Variants in STK4 observed in about 807,000 individuals in gnomAD.
STK4 encodes the protein serine/threonine kinase 4.
STK4 carries 30 observed loss-of-function variants against 64.9 expected under a neutral mutation model. The observed-to-expected ratio is 0.46, with a 90% CI of 0.35 to 0.63. The LOEUF is 0.63. STK4 is among the 20% of genes least tolerant of loss of function. STK4 has a pLI of 0.01. For missense variants in STK4, 466 were observed against 598.5 expected (o/e 0.78, Z 2.31); for synonymous variants, 177 against 199.0 (o/e 0.89, Z 0.93).
At chr20:45,041,853 G>A (rs536190661) in intron 10 of STK4, among the ~76,000 whole-genome samples, 13 of 152,214 alleles carry the variant, frequency 8.5e-5, no homozygotes, top group Non-Finnish European at 1.3e-4. Context: ...TTAGCCTGCC[G>A]CAGGCATTAA....
chr20:44,974,827 A>G (rs1484888742), intron 2 of STK4: 1 of 152,166 alleles, frequency 6.6e-6, no homozygotes, highest in African/African-American at 2.4e-5. Flanking sequence ...ACTGACTTGT[A>G]TCTTGTGAAA....
intron 10 of STK4, among the ~76,000 whole-genome samples, chr20:45,069,170 C>CTAA (rs1451136878): frequency 6.6e-6 from 1 of 152,218 alleles, no homozygotes; most frequent in Non-Finnish European, 1.5e-5. Context: ...TCTTCCTTTA[C>CTAA]CCAAGACTGA....
Position 45,066,194 on chromosome 20 carries a change from A to AC in STK4, c.1306-8823dup, listed in dbSNP as rs557360600. Among the ~76,000 whole-genome samples, 33 of 151,998 alleles carry AC rather than the reference A, an allele frequency of 2.2e-4. 1 individual carries two copies. In the South Asian group the frequency reaches 6.9e-3, roughly 32 times the overall value. The stretch of plus-strand genomic sequence containing the variant: ...ACATTATATATCTACACACACACAC[A>AC]CACACACACACACACACACAGATAT... On this transcript the variant is annotated intron_variant, in intron 10 of 10. Coordinates refer to ENST00000372806, the MANE Select transcript of STK4 (RefSeq NM_006282.5).
chr20:44,966,753 G>A, intron 1 of STK4, 150 bp downstream of exon 1: 1 of 965,256 alleles, frequency 1.0e-6, no homozygotes, highest in South Asian at 5.0e-5. Context: ...ACGTCTGGTG[G>A]GTGAGGGTCC....
intron 10 of STK4, among the ~76,000 whole-genome samples, chr20:45,030,894 A>G (rs2068431567): frequency 1.3e-5 from 2 of 152,146 alleles, no homozygotes; most frequent in South Asian, 4.1e-4. Context: ...ACACTGTAAT[A>G]TTTTAGTTTA....
At chr20:45,074,580 G>A (rs991926499) in intron 10 of STK4, among the ~76,000 whole-genome samples, 2 of 152,058 alleles carry the variant, frequency 1.3e-5, no homozygotes, top group Non-Finnish European at 2.9e-5. Context: ...CCATGGTGTC[G>A]TATCCTGAAA....
intron 10 of STK4, chr20:45,053,136 C>T: frequency 6.2e-7 from 1 of 1,612,680 alleles, no homozygotes; most frequent in Non-Finnish European, 8.5e-7. Context: ...TCCAAAATTG[C>T]CAGGGAAACC....
In STK4 at chr20:44,995,125, A is replaced by G; in HGVS notation, c.561A>G (p.Thr187=). The change falls in exon 6 of 11, where the codon ACA becomes ACG. Residue 187 remains threonine (T), a synonymous_variant. Coordinates refer to ENST00000372806, the MANE Select transcript of STK4 (RefSeq NM_006282.5). ...CCAAGCGGAATACAGTGATAGGAAC[A>G]CCATTTTGGATGGCTCCAGAAGTGA... ...TMAKRNTVIG[T]PFWMAPEVIQ... 1 of 1,613,124 alleles carries G rather than the reference A, an allele frequency of 6.2e-7. No individual in the cohort carries two copies.
chr20:45,063,678 C>G (rs1472911559), intron 10 of STK4, among the ~76,000 whole-genome samples: 1 of 152,040 alleles, frequency 6.6e-6, no homozygotes, highest in Non-Finnish European at 1.5e-5. Context: ...GGTCCTATGT[C>G]CAGAGTGGTA....
intron 9 of STK4, among the ~76,000 whole-genome samples, chr20:45,010,442 G>A (rs1176238734): frequency 6.6e-6 from 1 of 152,116 alleles, no homozygotes; most frequent in Non-Finnish European, 1.5e-5. Context: ...ATAATTATTA[G>A]TGATTAGGCA....
At chr20:45,048,729 G>A (rs772296227) in intron 10 of STK4, among the ~76,000 whole-genome samples, 4 of 151,984 alleles carry the variant, frequency 2.6e-5, no homozygotes, top group Admixed American at 6.6e-5. Flanking sequence ...TGATCCATCC[G>A]CCTCGGCCTC....
intron 5 of STK4, among the ~76,000 whole-genome samples, chr20:44,990,196 A>G (rs1467394329): frequency 6.6e-6 from 1 of 152,158 alleles, no homozygotes; most frequent in Non-Finnish European, 1.5e-5. Flanking sequence ...CCATTTATTT[A>G]GATTTTCTTT....
intron 9 of STK4, among the ~76,000 whole-genome samples, chr20:45,005,552 G>A (rs2067923575): frequency 1.3e-5 from 2 of 151,244 alleles, no homozygotes; most frequent in South Asian, 4.2e-4. Context: ...GGAGGCTAAG[G>A]CAGGAGAGTG....
intron 2 of STK4, among the ~76,000 whole-genome samples, chr20:44,977,336 CAGTT>C (rs2067357018): frequency 1.3e-5 from 2 of 152,036 alleles, no homozygotes; most frequent in African/African-American, 4.8e-5. Context: ...ATCTATTTGG[CAGTT>C]AGAGTATTGT....
At chr20:45,019,050 T>C (rs1462259527) in intron 9 of STK4, among the ~76,000 whole-genome samples, 1 of 152,216 alleles carries the variant, frequency 6.6e-6, no homozygotes, top group African/African-American at 2.4e-5. Context: ...TAAATTGAGA[T>C]ATAATTTATA....
chr20:45,008,044 G>C (rs1416261283), intron 9 of STK4, among the ~76,000 whole-genome samples: 1 of 152,198 alleles, frequency 6.6e-6, no homozygotes, highest in Non-Finnish European at 1.5e-5. Context: ...CTCCATCCAT[G>C]TTGCTGCAAA....
intron 9 of STK4, among the ~76,000 whole-genome samples, chr20:45,021,479 T>C (rs1188528480): frequency 1.3e-5 from 2 of 152,260 alleles, no homozygotes; most frequent in East Asian, 1.9e-4. Flanking sequence ...TGGAGGCATT[T>C]ATTTTCTGGA....
intron 10 of STK4, among the ~76,000 whole-genome samples, chr20:45,048,089 T>A (rs1306128577): frequency 2.0e-5 from 3 of 152,164 alleles, no homozygotes; most frequent in Non-Finnish European, 4.4e-5. Flanking sequence ...CCTGTTCTTT[T>A]AAAAGCAGAG....
At position 44,995,236 on chromosome 20, in the gene STK4, T is replaced by A; in HGVS notation, c.672T>A (p.Tyr224Ter). Residue 224 changes from tyrosine to a stop codon, truncating the protein, a stop_gained, in exon 6 of 11, where the codon TAT (tyrosine) becomes TAA (stop). Transcript: ENST00000372806. LOFTEE classifies it high-confidence loss of function. ...AAATGGCTGAAGGAAAGCCCCCTTA[T>A]GCTGATATCCATCCAATGAGGGTAA... ...AIEMAEGKPP[Y>*]ADIHPMRAIF... 6.2e-7 allele frequency: 1 copy of A among 1,613,260 alleles called. No homozygotes were observed. Among genetic ancestry groups the A allele is most frequent in the Non-Finnish European group, 8.5e-7 (1 of 1,179,616 alleles).
Sources: gnomAD v4.1 joint callset for allele counts (sites outside exome capture counted in the v4.1 genomes callset) on GRCh38, gnomAD v4.1.1 for gene constraint, MANE v1.5 for transcripts, NCBI Gene and HGNC (gene_info 2026-07-23, HGNC 2026-07-21) for gene names.